The following NELL1 variants were observed in gnomAD, a reference collection of about 807,000 sequenced individuals.
NELL1 encodes neural EGFL like 1, also known as protein kinase C-binding protein NELL1.
NELL1 carries 76 observed loss-of-function variants against 107.4 expected under a neutral mutation model. The observed-to-expected ratio is 0.71, with a 90% CI of 0.59 to 0.86. The LOEUF (loss-of-function observed/expected upper bound fraction) is 0.86. Among genes scored for constraint, NELL1 ranks in the 40% least tolerant of loss-of-function variants. NELL1 has a pLI of 0.00. For missense variants in NELL1, 1,024 were observed against 1,005.5 expected (o/e 1.02, Z -0.25); for synonymous variants, 353 against 341.2 (o/e 1.03, Z -0.38).
At chr11:21,081,844 G>T (rs913152711) in intron 12 of NELL1, among the ~76,000 whole-genome samples, 30 of 152,034 alleles carry the variant, frequency 2.0e-4, no homozygotes, top group African/African-American at 7.0e-4. Context: ...GTGTGTTCAG[G>T]GACTTATGAA....
chr11:21,211,182 G>T (rs1014490499), intron 13 of NELL1, among the ~76,000 whole-genome samples: 3 of 152,136 alleles, frequency 2.0e-5, no homozygotes, highest in Non-Finnish European at 4.4e-5. Flanking sequence ...ATATAAGAAT[G>T]TTACAGGGGA....
chr11:21,559,364 T>A (rs1856797720), intron 16 of NELL1, among the ~76,000 whole-genome samples: 1 of 152,070 alleles, frequency 6.6e-6, no homozygotes, highest in African/African-American at 2.4e-5. Context: ...TTTTGCAAGG[T>A]AATGGATTGC....
At chr11:20,958,436 A>G (rs191426259) in intron 11 of NELL1, among the ~76,000 whole-genome samples, 1 of 152,272 alleles carries the variant, frequency 6.6e-6, no homozygotes, top group African/African-American at 2.4e-5. Flanking sequence ...AACCCAAGCT[A>G]ACACACAAAT....
chr11:21,357,337 T>A (rs11026045), intron 14 of NELL1, among the ~76,000 whole-genome samples: 68,877 of 152,058 alleles, frequency 0.45, 16,174 homozygotes, highest in East Asian at 0.52. Flanking sequence ...TTACTTTTTA[T>A]TTATGGCCAT....
chr11:21,188,600 A>C (rs1054230034), intron 13 of NELL1, among the ~76,000 whole-genome samples: 12 of 151,688 alleles, frequency 7.9e-5, no homozygotes, highest in Non-Finnish European at 1.6e-4. Context: ...TTTTCTAATT[A>C]AATAAAAAAA....
At chr11:20,878,690 A>G (rs1466440432) in intron 4 of NELL1, among the ~76,000 whole-genome samples, 3 of 152,152 alleles carry the variant, frequency 2.0e-5, no homozygotes, top group Non-Finnish European at 2.9e-5. Flanking sequence ...ACATTTGACT[A>G]TTTTTCTCAG....
intron 14 of NELL1, among the ~76,000 whole-genome samples, chr11:21,290,387 T>A (rs1346590787): frequency 1.1e-3 from 116 of 109,934 alleles, no homozygotes; most frequent in African/African-American, 3.9e-3. Flanking sequence ...AATAAATAAA[T>A]AAAATAAATA....
Position 20,669,712 on chromosome 11 carries a change from C to A in NELL1, c.-12C>A. ...TTCGGTGCCCCCTGCTAGGCGGGGA[C>A]CCTCGAGAGCGATGCCGATGGATTT... is the stretch of plus-strand genomic sequence containing the variant. On this transcript the variant is annotated 5_prime_UTR_variant, in exon 1 of 20. Coordinates refer to ENST00000357134, the MANE Select transcript of NELL1 (RefSeq NM_006157.5). This position sits in a 1 kb window ranked among gnomAD's most constrained non-coding sequence, Gnocchi z 4.4. The A allele has an allele frequency of 6.2e-7, 1 of 1,612,604 alleles. No homozygotes were observed.
chr11:21,509,868 T>A (rs547959384), intron 15 of NELL1, among the ~76,000 whole-genome samples: 1 of 152,334 alleles, frequency 6.6e-6, no homozygotes, highest in South Asian at 2.1e-4. Context: ...TATGTGTAGG[T>A]GAGCAATAAA....
chr11:21,048,665 G>T (rs933126115), intron 12 of NELL1, among the ~76,000 whole-genome samples: 2 of 152,064 alleles, frequency 1.3e-5, no homozygotes, highest in Admixed American at 6.6e-5. Flanking sequence ...CAAACCACAG[G>T]GAGACAGCCA....
At chr11:20,768,992 TG>T (rs1856589780) in intron 2 of NELL1, among the ~76,000 whole-genome samples, 1 of 152,150 alleles carries the variant, frequency 6.6e-6, no homozygotes, top group Admixed American at 6.5e-5. Flanking sequence ...AGTAAGGGAT[TG>T]AGGTAATGTG....
intron 2 of NELL1, among the ~76,000 whole-genome samples, chr11:20,699,949 T>G (rs1404859988): frequency 6.6e-6 from 1 of 152,194 alleles, no homozygotes; most frequent in Non-Finnish European, 1.5e-5. Context: ...ACCTATAATT[T>G]TTTAGTTTTT....
chr11:20,994,725 C>T (rs1565005233), intron 12 of NELL1, among the ~76,000 whole-genome samples: 1 of 152,064 alleles, frequency 6.6e-6, no homozygotes, highest in Non-Finnish European at 1.5e-5. Flanking sequence ...AAGTGCCAGG[C>T]CTTAGAAGAG....
chr11:20,707,036 C>T (rs1411754167), intron 2 of NELL1, among the ~76,000 whole-genome samples: 1 of 152,220 alleles, frequency 6.6e-6, no homozygotes, highest in East Asian at 1.9e-4. Flanking sequence ...TTCACATAGT[C>T]CCATATTTCT....
chr11:20,696,690 A>G (rs1854626262), intron 2 of NELL1, among the ~76,000 whole-genome samples: 1 of 152,126 alleles, frequency 6.6e-6, no homozygotes. Flanking sequence ...TTTGGTCTAC[A>G]TCTTACCATT....
chr11:21,286,729 T>C lies in NELL1; in HGVS notation c.1549+57275T>C, dbSNP rs184187928. On this transcript the variant is annotated intron_variant, in intron 14 of 19. Transcript: ENST00000357134. ...ACCAGACTGCTGCAGTGACACCTAGTACACCATAGTAAAATTTTTCATTTC... is the reference window on the plus strand; with the variant it reads ...ACCAGACTGCTGCAGTGACACCTAGCACACCATAGTAAAATTTTTCATTTC... Among the ~76,000 whole-genome samples the C allele has an allele frequency of 3.9e-5, 6 of 152,340 alleles. No homozygotes were observed. The East Asian group carries it at 1.2e-3, about 29-fold the overall frequency.
intron 15 of NELL1, among the ~76,000 whole-genome samples, chr11:21,432,512 G>A (rs1852992136): frequency 6.6e-6 from 1 of 152,044 alleles, no homozygotes; most frequent in Admixed American, 6.6e-5. Context: ...TACACTTACA[G>A]TCAAATAAAG....
At chr11:21,185,155 TCAAA>T (rs1199451877) in intron 13 of NELL1, among the ~76,000 whole-genome samples, 1 of 151,814 alleles carries the variant, frequency 6.6e-6, no homozygotes, top group African/African-American at 2.4e-5. Context: ...ACAGGATAAT[TCAAA>T]CATATTGTAA....
At position 21,378,275 on chromosome 11, in the gene NELL1, A is replaced by G. The variant is rs867025690; in HGVS notation, c.1645+7327A>G. On this transcript the variant is annotated intron_variant, in intron 15 of 19. Transcript: ENST00000357134. Reference sequence around the variant, plus strand: ...AATATGCATATATATGTATATATATATATATATATATTATAGATAATCATG... The same window carrying G: ...AATATGCATATATATGTATATATATGTATATATATATTATAGATAATCATG... Among the ~76,000 whole-genome samples the G allele has an allele frequency of 8.8e-3, 1,282 of 146,240 alleles. 11 individuals are homozygous for G. The highest frequency in any genetic ancestry group is 0.032 in the Middle Eastern group (9 of 280).
Sources: gnomAD v4.1 joint callset for allele counts (sites outside exome capture counted in the v4.1 genomes callset) on GRCh38, gnomAD v4.1.1 for gene constraint, Gnocchi (gnomAD v3.1) non-coding constraint, MANE v1.5 for transcripts, NCBI Gene and HGNC (gene_info 2026-07-23, HGNC 2026-07-21) for gene names.